Variants in PDE8B observed in about 807,000 individuals in gnomAD.
PDE8B encodes the protein high affinity cAMP-specific and IBMX-insensitive 3',5'-cyclic phosphodiesterase 8B.
In PDE8B, 26 loss-of-function variants were observed where a neutral mutation model predicts 101.3. The observed-to-expected ratio is 0.26, with a 90% CI of 0.19 to 0.36. The LOEUF (loss-of-function observed/expected upper bound fraction) is 0.36. PDE8B is among the 10% of genes least tolerant of loss of function. The pLI, the probability that PDE8B is intolerant of heterozygous loss-of-function variation, is 1.00. For missense variants in PDE8B, 810 were observed against 1,163.1 expected (o/e 0.70, Z 4.42); for synonymous variants, 424 against 429.3 (o/e 0.99, Z 0.15).
At chr5:77,191,235 CAGTT>C in the PDE8B span, among the ~76,000 whole-genome samples, 35,115 of 151,948 alleles carry the variant, frequency 0.23, 4,181 homozygotes, top group East Asian at 0.41. Context: ...GTCATATTGA[CAGTT>C]AGGACTTCAA....
the PDE8B span, among the ~76,000 whole-genome samples, chr5:77,135,849 C>T: frequency 6.6e-6 from 1 of 151,814 alleles, no homozygotes; most frequent in African/African-American, 2.4e-5. Context: ...TGGCCTGCAA[C>T]GGTCCCTCAC....
intron 1 of PDE8B, among the ~76,000 whole-genome samples, chr5:77,246,451 C>T (rs1455709712): frequency 6.6e-6 from 1 of 152,128 alleles, no homozygotes; most frequent in East Asian, 1.9e-4. Flanking sequence ...ACCGGTCTGG[C>T]TCACTACCTA....
chr5:77,202,882 G>A, the PDE8B span, among the ~76,000 whole-genome samples: 1 of 152,334 alleles, frequency 6.6e-6, no homozygotes, highest in East Asian at 1.9e-4. Flanking sequence ...TTACAGGTTA[G>A]AGCCAATGTG....
chr5:77,229,168 T>C (rs567245951), intron 1 of PDE8B, among the ~76,000 whole-genome samples: 1 of 152,378 alleles, frequency 6.6e-6, no homozygotes, highest in South Asian at 2.1e-4. Flanking sequence ...CTCAATTTAA[T>C]CAATGTAACT....
the PDE8B span, chr5:77,111,947 C>T: frequency 6.6e-6 from 1 of 152,070 alleles, no homozygotes; most frequent in African/African-American, 2.4e-5. Flanking sequence ...GATTGTTCAT[C>T]TCCTGTAAAT....
chr5:77,296,757 C>T (rs1768671382), intron 1 of PDE8B, among the ~76,000 whole-genome samples: 1 of 152,170 alleles, frequency 6.6e-6, no homozygotes. Flanking sequence ...GGGAAGGCAA[C>T]CTACTTAGCT....
At chr5:77,118,617 G>A in the PDE8B span, 4 of 384,202 alleles carry the variant, frequency 1.0e-5, no homozygotes, top group Non-Finnish European at 1.8e-5. Flanking sequence ...GACCATCTTA[G>A]TGATTCTTAC....
intron 10 of PDE8B, among the ~76,000 whole-genome samples, chr5:77,380,619 G>C (rs1017002674): frequency 6.6e-6 from 1 of 152,210 alleles, no homozygotes; most frequent in Non-Finnish European, 1.5e-5. Flanking sequence ...AAACAGCCTG[G>C]TCAATCTCAA....
chr5:77,167,281 C>T, the PDE8B span, among the ~76,000 whole-genome samples: 1 of 152,120 alleles, frequency 6.6e-6, no homozygotes, highest in Non-Finnish European at 1.5e-5. Context: ...AGTCAGATGC[C>T]CCTTAATGAT....
chr5:77,425,639 T>C (rs1375826482), intron 20 of PDE8B, 128 bp from the exon 21 acceptor site: 10 of 924,606 alleles, frequency 1.1e-5, no homozygotes, highest in Non-Finnish European at 1.8e-5. Context: ...AGGACCTTGC[T>C]GAGCCTATTT....
intron 8 of PDE8B, 77 bp downstream of exon 8, chr5:77,349,636 C>A: frequency 6.7e-7 from 1 of 1,483,816 alleles, no homozygotes; most frequent in Non-Finnish European, 9.4e-7. Context: ...GAATTTCATC[C>A]TTAAGATTAG....
At chr5:77,125,975 A>G in the PDE8B span, among the ~76,000 whole-genome samples, 1 of 152,212 alleles carries the variant, frequency 6.6e-6, no homozygotes, top group African/African-American at 2.4e-5. Flanking sequence ...TTTTACCACA[A>G]TAAAATTAAA....
chr5:77,202,398 C>T, the PDE8B span, among the ~76,000 whole-genome samples: 1 of 152,224 alleles, frequency 6.6e-6, no homozygotes, highest in Non-Finnish European at 1.5e-5. Flanking sequence ...CCTCCTCTTC[C>T]TCCTCAGCTT....
the PDE8B span, among the ~76,000 whole-genome samples, chr5:77,198,115 G>C: frequency 6.6e-6 from 1 of 151,982 alleles, no homozygotes; most frequent in Non-Finnish European, 1.5e-5. Context: ...GTTAATTTTG[G>C]TTCCATTTAA....
At chr5:77,192,068 T>G in the PDE8B span, among the ~76,000 whole-genome samples, 2 of 152,112 alleles carry the variant, frequency 1.3e-5, no homozygotes, top group South Asian at 4.1e-4. Context: ...GTAATGTGAG[T>G]GAGGGGCAGT....
intron 7 of PDE8B, among the ~76,000 whole-genome samples, chr5:77,345,164 GT>G (rs2150395389): frequency 6.6e-6 from 1 of 152,246 alleles, no homozygotes; most frequent in South Asian, 2.1e-4. Flanking sequence ...CAGAAATGGG[GT>G]TTAAAAAAAT....
At chr5:77,258,368 T>C (rs756987974) in intron 1 of PDE8B, among the ~76,000 whole-genome samples, 51 of 151,204 alleles carry the variant, frequency 3.4e-4, no homozygotes, top group African/African-American at 1.1e-3. Flanking sequence ...GCATGGTCCA[T>C]TGTAGACCAG....
chr5:77,093,436 C>T, the PDE8B span, among the ~76,000 whole-genome samples: 4 of 151,800 alleles, frequency 2.6e-5, no homozygotes, highest in African/African-American at 9.7e-5. Flanking sequence ...GGTAATGTCC[C>T]CTCTTTCCTT....
At chr5:77,386,207 A>T (rs1231856240) in intron 10 of PDE8B, among the ~76,000 whole-genome samples, 1 of 152,182 alleles carries the variant, frequency 6.6e-6, no homozygotes, top group African/African-American at 2.4e-5. Flanking sequence ...TTATGTGGTC[A>T]ATTTTGGAAT....
Sources: gnomAD v4.1 joint callset for allele counts (sites outside exome capture counted in the v4.1 genomes callset) on GRCh38, gnomAD v4.1.1 for gene constraint, MANE v1.5 for transcripts, NCBI Gene and HGNC (gene_info 2026-07-23, HGNC 2026-07-21) for gene names.